The following PTPRB variants were observed in gnomAD, a reference collection of about 807,000 sequenced individuals.
PTPRB encodes receptor-type tyrosine-protein phosphatase beta.
A neutral mutation model predicts 238.1 loss-of-function variants in PTPRB; 97 were observed. The observed-to-expected ratio is 0.41, with a 90% CI of 0.35 to 0.48. The LOEUF is 0.48. PTPRB is among the 20% of genes least tolerant of loss of function. The probability of loss-of-function intolerance (pLI) is 0.30; values close to 1 mark genes in which losing one functional copy is unlikely to be tolerated. For synonymous variants in PTPRB, 970 were observed against 995.4 expected (o/e 0.97, Z 0.48); for missense variants, 2,292 against 2,681.9 (o/e 0.85, Z 3.21).
At chr12:70,620,872 T>A (rs1250194518) in intron 3 of PTPRB, among the ~76,000 whole-genome samples, 1 of 152,152 alleles carries the variant, frequency 6.6e-6, no homozygotes, top group Non-Finnish European at 1.5e-5. Flanking sequence ...AGAGGGTGGA[T>A]AAAGAGAAAT....
rs1300567192 is a variant in PTPRB, at chr12:70,594,675, G to A, written c.1308C>T (p.Leu436=). The change falls in exon 6 of 34, where the codon CTC becomes CTT. Residue 436 remains leucine, a synonymous_variant. Coordinates refer to ENST00000334414, the MANE Select transcript of PTPRB (RefSeq NM_001109754.4). ...CAGAACCATGGGACCAGGAAATCAG[G>A]AGAGAATTGGCTTTTGTGGAAATAC... ...DIGISTKANS[L]LISWSHGSGN... 1 of 1,614,024 alleles carries A rather than the reference G, an allele frequency of 6.2e-7. No homozygotes were observed. The highest frequency in any genetic ancestry group is 1.1e-5 in the South Asian group (1 of 91,088).
At chr12:70,564,558 G>A (rs1023393519) in intron 15 of PTPRB, among the ~76,000 whole-genome samples, 15 of 151,220 alleles carry the variant, frequency 9.9e-5, no homozygotes, top group Admixed American at 4.0e-4. Flanking sequence ...TTGACCAGGC[G>A]TGGTGGCTCG....
At chr12:70,583,070 T>A (rs780636804) in intron 9 of PTPRB, among the ~76,000 whole-genome samples, 1 of 152,146 alleles carries the variant, frequency 6.6e-6, no homozygotes, top group South Asian at 2.1e-4. Flanking sequence ...TACTACATGC[T>A]GAGAACACGG....
intron 3 of PTPRB, among the ~76,000 whole-genome samples, chr12:70,619,312 T>TGATGATGAC (rs1555239526): frequency 6.7e-6 from 1 of 150,080 alleles, no homozygotes; most frequent in African/African-American, 2.5e-5. Flanking sequence ...ATGATGATGA[T>TGATGATGAC]GATAATGATA....
intron 4 of PTPRB, among the ~76,000 whole-genome samples, chr12:70,597,211 C>A (rs117661964): frequency 2.0e-5 from 3 of 152,084 alleles, no homozygotes; most frequent in African/African-American, 7.2e-5. Context: ...CATGAGCCAC[C>A]GCATCTGGCC....
intron 1 of PTPRB, 54 bp from the exon 2 acceptor site, chr12:70,636,120 G>A: frequency 4.8e-6 from 7 of 1,461,082 alleles, no homozygotes; most frequent in Non-Finnish European, 6.4e-6. Flanking sequence ...AGGCCCATTA[G>A]AAAACGGAAG....
At chr12:70,540,223 C>T (rs1373350335) in intron 23 of PTPRB, 33 of 488,530 alleles carry the variant, frequency 6.8e-5, no homozygotes, top group Admixed American at 4.0e-4. Context: ...CGGATCTCTG[C>T]AAAAACTGAA....
At chr12:70,577,706 A>C (rs575734948) in intron 10 of PTPRB, among the ~76,000 whole-genome samples, 1 of 152,276 alleles carries the variant, frequency 6.6e-6, no homozygotes, top group East Asian at 1.9e-4. Flanking sequence ...ATATGTTCGG[A>C]CTTTGTGAAT....
intron 21 of PTPRB, among the ~76,000 whole-genome samples, chr12:70,548,286 C>T (rs964782036): frequency 1.3e-5 from 2 of 151,706 alleles, no homozygotes; most frequent in Admixed American, 1.3e-4. Context: ...TGAGATCACA[C>T]CACTGCACTC....
At chr12:70,535,407 G>T (rs957061077) in intron 29 of PTPRB, among the ~76,000 whole-genome samples, 5 of 151,996 alleles carry the variant, frequency 3.3e-5, no homozygotes, top group African/African-American at 1.2e-4. Flanking sequence ...TGGGCCGTGT[G>T]CCAAGAGATC....
chr12:70,570,123 AG>A (rs1477955999), intron 13 of PTPRB, among the ~76,000 whole-genome samples, 185 bp from the exon 14 acceptor site: 1 of 152,120 alleles, frequency 6.6e-6, no homozygotes, highest in Non-Finnish European at 1.5e-5. Flanking sequence ...GGGAAAGCTT[AG>A]GGGGAAGTCA....
intron 29 of PTPRB, among the ~76,000 whole-genome samples, chr12:70,535,224 GT>G (rs71457059): frequency 0.13 from 10,572 of 81,508 alleles, 654 homozygotes; most frequent in Non-Finnish European, 0.15. Flanking sequence ...TATGGCTTGA[GT>G]TTTTTTTTTT....
rs1229827693 is a variant in PTPRB at position 70,554,910 on chromosome 12, G to A, written c.5143+250C>T. On this transcript the variant is annotated intron_variant, in intron 20 of 33. Transcript: ENST00000334414. ...ATAAATGATGGTTATTGTTATTATC[G>A]TTGTGGTTGCTATTATCATTACTCT... Among the ~76,000 whole-genome samples the A allele has an allele frequency of 5.3e-5, 8 of 152,228 alleles. 1 individual carries two copies. The South Asian group carries it at 6.2e-4, about 12-fold the overall frequency.
chr12:70,535,963 G>A (rs1266877506), intron 29 of PTPRB, 62 bp downstream of exon 29: 49 of 1,596,400 alleles, frequency 3.1e-5, no homozygotes, highest in Non-Finnish European at 4.0e-5. Context: ...TTGATGATGG[G>A]GCAGAATTCT....
chr12:70,544,896 G>C (rs191038300), intron 21 of PTPRB, among the ~76,000 whole-genome samples: 1 of 152,116 alleles, frequency 6.6e-6, no homozygotes, highest in Non-Finnish European at 1.5e-5. Flanking sequence ...ACTTTGCAAG[G>C]AACAAAACAA....
At chr12:70,541,124 TAAG>T in intron 22 of PTPRB, 167 bp from the exon 23 acceptor site, 1 of 600,312 alleles carries the variant, frequency 1.7e-6, no homozygotes, top group Non-Finnish European at 2.9e-6. Context: ...AGTATGCACC[TAAG>T]AAGATGATGA....
chr12:70,540,194 G>T, intron 23 of PTPRB, 172 bp from the exon 24 acceptor site: 2 of 561,542 alleles, frequency 3.6e-6, no homozygotes. Context: ...GAATAAAGTA[G>T]ATCATTCCCA....
At chr12:70,586,904 C>T in intron 9 of PTPRB, 103 bp downstream of exon 9, 1 of 1,129,820 alleles carries the variant, frequency 8.9e-7, no homozygotes. Context: ...TAAAGCAATG[C>T]CCAGTACATA....
rs1159307863 is a variant in PTPRB at position 70,519,577 on chromosome 12, T to C, written c.*1912A>G. ...ATGAATGTATCCTTCCAAGCATTAA[T>C]GTGCTTTGCATCAAGCAACATTAGT... On this transcript the variant is annotated 3_prime_UTR_variant, in exon 34 of 34. Coordinates refer to ENST00000334414, the MANE Select transcript of PTPRB (RefSeq NM_001109754.4). The C allele has an allele frequency of 6.6e-6, 1 of 152,258 alleles. No individual in the cohort carries two copies. Among genetic ancestry groups the C allele is most frequent in the Non-Finnish European group, 1.5e-5 (1 of 68,052 alleles). The allele number at this position is 152,258 out of a possible 1,614,324, so 9.4% of individuals were successfully genotyped here. A position where few individuals can be genotyped will look rare whatever the true frequency, so the allele number is the denominator to read the frequency against.
Sources: allele counts gnomAD v4.1 joint callset (sites outside exome capture counted in the v4.1 genomes callset), GRCh38; gene constraint gnomAD v4.1.1; transcripts MANE v1.5; gene names NCBI Gene and HGNC (gene_info 2026-07-23, HGNC 2026-07-21).